The following TMEM178B variants were observed in gnomAD, a reference collection of about 807,000 sequenced individuals.
TMEM178B encodes the protein transmembrane protein 178B.
In TMEM178B, 5 loss-of-function variants were observed where a neutral mutation model predicts 31.0. The ratio of observed to expected loss-of-function variants is 0.16; its 90% confidence interval spans 0.08 to 0.34. The LOEUF (loss-of-function observed/expected upper bound fraction) is 0.34, where lower values mean the gene tolerates loss of function less well. Among genes scored for constraint, TMEM178B ranks in the 10% least tolerant of loss-of-function variants. The pLI, the probability that TMEM178B is intolerant of heterozygous loss-of-function variation, is 1.00. For synonymous variants in TMEM178B, 164 were observed against 164.0 expected (o/e 1.00, Z 0.00); for missense variants, 275 against 400.3 (o/e 0.69, Z 2.67).
chr7:141,087,571 A>G (rs1304876816), intron 1 of TMEM178B, among the ~76,000 whole-genome samples: 1 of 152,166 alleles, frequency 6.6e-6, no homozygotes, highest in Non-Finnish European at 1.5e-5. Flanking sequence ...TTGAGCACAG[A>G]CCTCTCAGAA....
chr7:141,127,292 A>G (rs1795514089), intron 1 of TMEM178B, among the ~76,000 whole-genome samples: 1 of 152,204 alleles, frequency 6.6e-6, no homozygotes, highest in Admixed American at 6.5e-5. Flanking sequence ...TTTTGTACAC[A>G]TTTATAGTGG....
At chr7:141,338,028 G>C (rs921630728) in intron 2 of TMEM178B, among the ~76,000 whole-genome samples, 4 of 152,052 alleles carry the variant, frequency 2.6e-5, no homozygotes, top group African/African-American at 9.7e-5. Context: ...TAGTAGAGAT[G>C]GGGTTTCACC....
At chr7:141,225,958 G>C (rs1021334368) in intron 2 of TMEM178B, among the ~76,000 whole-genome samples, 1 of 152,144 alleles carries the variant, frequency 6.6e-6, no homozygotes, top group African/African-American at 2.4e-5. Context: ...GTTTCCCTGA[G>C]GCTCTTTGCT....
intron 1 of TMEM178B, among the ~76,000 whole-genome samples, chr7:141,079,822 G>A (rs1021930102): frequency 2.6e-5 from 4 of 152,138 alleles, no homozygotes; most frequent in Non-Finnish European, 4.4e-5. Context: ...GGAAGTATAA[G>A]TATTATTTTA....
downstream of TMEM178B, among the ~76,000 whole-genome samples, chr7:141,481,377 A>G (rs944583954): frequency 6.6e-6 from 1 of 152,162 alleles, no homozygotes; most frequent in African/African-American, 2.4e-5. Flanking sequence ...GAAAGAAGAA[A>G]TGTCCATTAG....
chr7:141,104,721 C>T (rs1215809029), intron 1 of TMEM178B, among the ~76,000 whole-genome samples: 1 of 152,146 alleles, frequency 6.6e-6, no homozygotes, highest in Non-Finnish European at 1.5e-5. Flanking sequence ...TCTCCAGAGG[C>T]CTCTCTCCTG....
At chr7:141,188,637 A>T (rs10267296) in intron 1 of TMEM178B, among the ~76,000 whole-genome samples, 1 of 152,152 alleles carries the variant, frequency 6.6e-6, no homozygotes, top group Non-Finnish European at 1.5e-5. Flanking sequence ...CCTAGGTGTT[A>T]TGAGGAGATA....
chr7:141,251,000 T>A, intron 2 of TMEM178B, among the ~76,000 whole-genome samples: 1 of 152,132 alleles, frequency 6.6e-6, no homozygotes, highest in Non-Finnish European at 1.5e-5. Context: ...TCCTTTGCAT[T>A]CAACTCTATG....
chr7:141,111,342 T>C (rs191506664), intron 1 of TMEM178B, among the ~76,000 whole-genome samples: 268 of 152,202 alleles, frequency 1.8e-3, no homozygotes, highest in African/African-American at 6.2e-3. Flanking sequence ...ACTGGGTCCC[T>C]CCCATGACAC....
intron 2 of TMEM178B, among the ~76,000 whole-genome samples, chr7:141,401,685 C>T (rs1429830576): frequency 6.6e-6 from 1 of 152,172 alleles, no homozygotes; most frequent in African/African-American, 2.4e-5. Flanking sequence ...GAATTACAGG[C>T]ATGAGCCACC....
intron 3 of TMEM178B, among the ~76,000 whole-genome samples, chr7:141,454,400 G>A (rs932393675): frequency 2.0e-5 from 3 of 152,150 alleles, no homozygotes; most frequent in Non-Finnish European, 2.9e-5. Flanking sequence ...GGGAGAGAAA[G>A]CCAAGCACGT....
chr7:141,490,480 C>A, the TMEM178B span, among the ~76,000 whole-genome samples: 1 of 152,194 alleles, frequency 6.6e-6, no homozygotes, highest in South Asian at 2.1e-4. Context: ...CAGTAACAAC[C>A]AGCAGCTTGG....
chr7:141,226,903 G>C (rs1326814634), intron 2 of TMEM178B, among the ~76,000 whole-genome samples: 1 of 150,848 alleles, frequency 6.6e-6, no homozygotes, highest in African/African-American at 2.4e-5. Context: ...TACTAGTTCC[G>C]TTTTGATCCC....
rs1031689050 is a variant in TMEM178B, at chr7:141,344,565, C to T, written c.497-93043C>T. On this transcript the variant is annotated intron_variant, in intron 2 of 3. Transcript: ENST00000565468. The surrounding 1 kb of genome is among the most constrained non-coding windows in gnomAD (Gnocchi z 4.1). ...AGTTTCTCCCTCCCTCCCTCCATTC[C>T]TCCCTCCTCCCTTCCTTCCTTCCTT... 6.9e-6 allele frequency among the ~76,000 whole-genome samples: 1 copy of T among 144,774 alleles called. No homozygotes were observed. Among genetic ancestry groups the T allele is most frequent in the African/African-American group, 2.6e-5 (1 of 38,354 alleles). 95.0% of individuals were successfully genotyped at this position (144,774 alleles called of 152,430 possible).
chr7:141,454,266 C>T (rs770814560), intron 3 of TMEM178B, among the ~76,000 whole-genome samples: 19 of 152,168 alleles, frequency 1.2e-4, no homozygotes, highest in Non-Finnish European at 2.2e-4. Flanking sequence ...CTTCTCACCT[C>T]GGCATTCCAT....
At chr7:141,404,952 A>G (rs1407053201) in intron 2 of TMEM178B, among the ~76,000 whole-genome samples, 1 of 152,184 alleles carries the variant, frequency 6.6e-6, no homozygotes, top group Admixed American at 6.5e-5. Context: ...CTAGGGGTGA[A>G]GTTTCCCGTC....
At chr7:141,343,509 G>A (rs1799553398) in intron 2 of TMEM178B, among the ~76,000 whole-genome samples, 1 of 148,476 alleles carries the variant, frequency 6.7e-6, no homozygotes, top group Non-Finnish European at 1.5e-5. Flanking sequence ...TATAGCCACA[G>A]CTGTGATGGG....
At chr7:141,341,293 C>T (rs956620431) in intron 2 of TMEM178B, among the ~76,000 whole-genome samples, 1 of 152,194 alleles carries the variant, frequency 6.6e-6, no homozygotes, top group South Asian at 2.1e-4. Flanking sequence ...CTTTTCCTCT[C>T]TCCACACTGT....
intron 1 of TMEM178B, among the ~76,000 whole-genome samples, chr7:141,104,606 G>T (rs963458475): frequency 6.6e-6 from 1 of 152,120 alleles, no homozygotes; most frequent in African/African-American, 2.4e-5. Context: ...ATATTAGTTT[G>T]CTTGGACTGC....
Sources: allele counts gnomAD v4.1 joint callset (sites outside exome capture counted in the v4.1 genomes callset), GRCh38; gene constraint gnomAD v4.1.1; non-coding constraint Gnocchi (gnomAD v3.1); transcripts MANE v1.5; gene names NCBI Gene and HGNC (gene_info 2026-07-23, HGNC 2026-07-21).